Variants in IGSF10 observed in about 807,000 individuals in gnomAD.
IGSF10 encodes the protein immunoglobulin superfamily member 10.
Under a neutral mutation model 128.2 loss-of-function variants are expected in IGSF10, and 126 were observed. The observed-to-expected ratio is 0.98, with a 90% confidence interval of 0.85 to 1.14. The LOEUF (loss-of-function observed/expected upper bound fraction) is 1.14, where lower values mean the gene tolerates loss of function less well. IGSF10 is among the 50% of genes most tolerant of loss of function. The pLI is 0.00. For synonymous variants in IGSF10, 1,185 were observed against 1,146.2 expected, an observed-to-expected ratio of 1.03 and a Z score of -0.68; for missense variants, 3,295 against 3,149.8, an observed-to-expected ratio of 1.05 and a Z score of -1.10.
chr3:151,547,429 TAC>T, the IGSF10 span, among the ~76,000 whole-genome samples: 22,253 of 146,826 alleles, frequency 0.15, 1,755 homozygotes, highest in Middle Eastern at 0.19. Context: ...AATATATATA[TAC>T]ACACACACAC....
In IGSF10 at chr3:151,437,381, C is replaced by T. The variant is rs141148204; in HGVS notation, c.7180G>A (p.Gly2394Ser). Residue 2394 changes from glycine to serine, a missense_variant, in exon 8 of 8, where the codon GGT (glycine) becomes AGT (serine). Gly to Ser is a moderately conservative substitution (Grantham distance 56). Coordinates refer to ENST00000282466, the MANE Select transcript of IGSF10 (RefSeq NM_178822.5). ...QSYQYLIASN[G>S]SFIISKTTRE... ...GTTGTTTTAGAAATGATAAAAGAAC[C>T]ATTGCTTGCTATCAGATACTGATAA... 7.2e-5 allele frequency: 116 copies of T among 1,614,000 alleles called. No individual in the cohort carries two copies. The African/African-American group carries it at 1.3e-3, about 19-fold the overall frequency.
At chr3:151,507,959 T>C in the IGSF10 span, among the ~76,000 whole-genome samples, 14 of 152,256 alleles carry the variant, frequency 9.2e-5, no homozygotes, top group Admixed American at 7.2e-4. Flanking sequence ...GATCTATCAA[T>C]AAATAATTGG....
chr3:151,575,505 C>T, the IGSF10 span, among the ~76,000 whole-genome samples: 1 of 152,192 alleles, frequency 6.6e-6, no homozygotes, highest in Non-Finnish European at 1.5e-5. Flanking sequence ...GTGAGCAAGG[C>T]TCCATGGGCA....
the IGSF10 span, among the ~76,000 whole-genome samples, chr3:151,572,399 C>A: frequency 2.6e-5 from 4 of 152,022 alleles, no homozygotes; most frequent in Non-Finnish European, 5.9e-5. Context: ...ATTTTTAGAG[C>A]CTGTTATTGG....
At chr3:151,433,841 C>G (rs1452861202), downstream of IGSF10, 2 of 152,566 alleles carry the variant, frequency 1.3e-5, no homozygotes, top group Non-Finnish European at 2.9e-5. Context: ...CTGTCAGTGT[C>G]AGTCTTGGTT....
chr3:151,579,506 T>G, the IGSF10 span, among the ~76,000 whole-genome samples: 1 of 151,574 alleles, frequency 6.6e-6, no homozygotes, highest in African/African-American at 2.4e-5. Context: ...AAATGGAAAC[T>G]GTAAGAGAGA....
At chr3:151,460,800 C>T in intron 1 of IGSF10, 146 bp downstream of exon 1, 2 of 414,244 alleles carry the variant, frequency 4.8e-6, no homozygotes, top group Non-Finnish European at 6.5e-6. Context: ...CCACCTTCTC[C>T]GGGTGCGTCT....
At chr3:151,555,558 AG>A in the IGSF10 span, among the ~76,000 whole-genome samples, 1 of 152,170 alleles carries the variant, frequency 6.6e-6, no homozygotes, top group Non-Finnish European at 1.5e-5. Flanking sequence ...AGCCTACAAA[AG>A]TCTGCTAGGA....
the IGSF10 span, among the ~76,000 whole-genome samples, chr3:151,480,121 A>T: frequency 6.6e-6 from 1 of 152,158 alleles, no homozygotes; most frequent in Non-Finnish European, 1.5e-5. Context: ...GCCGACTAGA[A>T]GCTCCTAGAG....
chr3:151,484,664 T>C, the IGSF10 span, among the ~76,000 whole-genome samples: 2 of 146,474 alleles, frequency 1.4e-5, no homozygotes, highest in Non-Finnish European at 3.0e-5. Flanking sequence ...AAACAGGATC[T>C]GGAGTGGACC....
At chr3:151,480,430 C>A in the IGSF10 span, among the ~76,000 whole-genome samples, 1 of 152,150 alleles carries the variant, frequency 6.6e-6, no homozygotes, top group African/African-American at 2.4e-5. Flanking sequence ...GTGTCCTTCA[C>A]AGGGTCTAAG....
chr3:151,445,633 T>C lies in IGSF10; in HGVS notation c.4348A>G (p.Thr1450Ala), dbSNP rs375589932. Reference sequence around the variant, plus strand: ...CTAATGATTGCTTTCCTAGTTGTGGTACTCTGGTGTGATTTGCTGGACAAA... The same window carrying C: ...CTAATGATTGCTTTCCTAGTTGTGGCACTCTGGTGTGATTTGCTGGACAAA... ...TTLSSKSHQS[T>A]TTRKAIIRHS... The change falls in exon 6 of 8, where the codon ACC (threonine) becomes GCC (alanine). Residue 1450 changes from threonine (T) to alanine (A), a missense_variant. Coordinates refer to ENST00000282466, the MANE Select transcript of IGSF10 (RefSeq NM_178822.5). The C allele has an allele frequency of 1.9e-5, 31 of 1,614,124 alleles. No homozygotes were observed. Among genetic ancestry groups the C allele is most frequent in the Middle Eastern group, 1.6e-4 (1 of 6,084 alleles).
the IGSF10 span, among the ~76,000 whole-genome samples, chr3:151,571,163 G>T: frequency 2.0e-5 from 3 of 152,120 alleles, no homozygotes; most frequent in African/African-American, 7.2e-5. Flanking sequence ...GTCAGGTAGC[G>T]TGATGCCTCC....
At chr3:151,613,841 A>G in the IGSF10 span, among the ~76,000 whole-genome samples, 4 of 152,164 alleles carry the variant, frequency 2.6e-5, no homozygotes, top group African/African-American at 9.6e-5. Context: ...TAATTAAACT[A>G]AAGAGCTTCT....
the IGSF10 span, among the ~76,000 whole-genome samples, chr3:151,618,716 T>G: frequency 6.9e-6 from 1 of 143,902 alleles, no homozygotes; most frequent in African/African-American, 2.6e-5. Flanking sequence ...GGCAACAGAG[T>G]GAGACTCCAT....
chr3:151,456,629 A>G (rs1156771647), intron 4 of IGSF10, among the ~76,000 whole-genome samples: 1 of 152,242 alleles, frequency 6.6e-6, no homozygotes, highest in Admixed American at 6.5e-5. Context: ...TAGAACATGA[A>G]TAAGTAAATA....
the IGSF10 span, among the ~76,000 whole-genome samples, chr3:151,478,577 T>C: frequency 2.0e-5 from 3 of 152,216 alleles, no homozygotes; most frequent in Non-Finnish European, 4.4e-5. Flanking sequence ...GACGCCTAAC[T>C]AGACAGATAA....
the IGSF10 span, among the ~76,000 whole-genome samples, chr3:151,502,538 C>CA: frequency 6.6e-6 from 1 of 152,004 alleles, no homozygotes; most frequent in Non-Finnish European, 1.5e-5. Context: ...TTTTTAACTA[C>CA]ACTTTAGCAA....
chr3:151,535,710 G>T, the IGSF10 span, among the ~76,000 whole-genome samples: 17 of 152,056 alleles, frequency 1.1e-4, no homozygotes, highest in African/African-American at 3.9e-4. Context: ...GTGCAAGTCA[G>T]GAAATCTTTC....
Sources: gnomAD v4.1 joint callset for allele counts (sites outside exome capture counted in the v4.1 genomes callset) on GRCh38, gnomAD v4.1.1 for gene constraint, MANE v1.5 for transcripts, NCBI Gene and HGNC (gene_info 2026-07-23, HGNC 2026-07-21) for gene names.